GPR158: variants seen among roughly 807,000 people sequenced by gnomAD.
GPR158 encodes metabotropic glycine receptor.
A neutral mutation model predicts 78.2 loss-of-function variants in GPR158; 30 were observed. The observed-to-expected ratio is 0.38, with a 90% CI of 0.29 to 0.52. The LOEUF is 0.52. GPR158 is among the 20% of genes least tolerant of loss of function. GPR158 has a pLI of 0.83. For missense variants in GPR158, 1,463 were observed against 1,523.5 expected (o/e 0.96, Z 0.66); for synonymous variants, 581 against 591.1 (o/e 0.98, Z 0.25).
intron 3 of GPR158, among the ~76,000 whole-genome samples, chr10:25,398,922 T>A (rs913137574): frequency 5.9e-5 from 9 of 152,212 alleles, no homozygotes; most frequent in Non-Finnish European, 8.8e-5. Context: ...AGCTGCAGAC[T>A]GGTGCCAGTT....
At chr10:25,237,406 TTAAAA>T (rs2130702031) in intron 2 of GPR158, among the ~76,000 whole-genome samples, 1 of 152,350 alleles carries the variant, frequency 6.6e-6, no homozygotes, top group South Asian at 2.1e-4. Context: ...AGAGGTTGAA[TTAAAA>T]TGAATACTTT....
intron 2 of GPR158, chr10:25,393,749 A>C (rs760879701): frequency 9.2e-5 from 14 of 152,118 alleles, no homozygotes; most frequent in Non-Finnish European, 1.8e-4. Context: ...AGTAGTGAGG[A>C]AGGAAAAAGA....
At chr10:25,401,124 G>C (rs1191475689) in intron 3 of GPR158, among the ~76,000 whole-genome samples, 1 of 152,048 alleles carries the variant, frequency 6.6e-6, no homozygotes, top group Non-Finnish European at 1.5e-5. Flanking sequence ...TCATGGCTGG[G>C]GAGTCGGGAC....
intron 2 of GPR158, among the ~76,000 whole-genome samples, chr10:25,248,922 T>C (rs28782476): frequency 5.1e-4 from 77 of 151,390 alleles, no homozygotes; most frequent in African/African-American, 1.8e-3. Flanking sequence ...GCCATTTTCA[T>C]GATATTGATT....
chr10:25,399,929 C>T (rs1338021131), intron 3 of GPR158, among the ~76,000 whole-genome samples: 1 of 152,068 alleles, frequency 6.6e-6, no homozygotes, highest in Admixed American at 6.6e-5. Flanking sequence ...AGCCCTTGAA[C>T]CAAAGGTAAG....
intron 2 of GPR158, among the ~76,000 whole-genome samples, chr10:25,391,450 G>A (rs1018278527): frequency 1.3e-5 from 2 of 152,130 alleles, no homozygotes; most frequent in East Asian, 3.9e-4. Context: ...ACCCCTTCTT[G>A]CATCAGCATG....
intron 2 of GPR158, among the ~76,000 whole-genome samples, chr10:25,326,903 A>G (rs150263256): frequency 5.3e-5 from 8 of 152,306 alleles, no homozygotes; most frequent in East Asian, 3.9e-4. Context: ...TCACTTTATG[A>G]TGGTGCAAAA....
At chr10:25,509,058 TA>T (rs1478939288) in intron 5 of GPR158, among the ~76,000 whole-genome samples, 1 of 152,194 alleles carries the variant, frequency 6.6e-6, no homozygotes, top group Non-Finnish European at 1.5e-5. Flanking sequence ...TTGGCCTAGA[TA>T]ATTCTTTGTT....
At chr10:25,532,645 C>T (rs1836440930) in intron 5 of GPR158, among the ~76,000 whole-genome samples, 1 of 151,758 alleles carries the variant, frequency 6.6e-6, no homozygotes, top group Admixed American at 6.6e-5. Flanking sequence ...CCCTCCATTC[C>T]CCATTTTAAG....
chr10:25,396,578 C>T (rs1251174211), intron 3 of GPR158, among the ~76,000 whole-genome samples: 1 of 151,882 alleles, frequency 6.6e-6, no homozygotes, highest in Non-Finnish European at 1.5e-5. Flanking sequence ...GTGGGAGGAT[C>T]GCTTGAGCTC....
chr10:25,360,987 A>C (rs1247449877), intron 2 of GPR158, among the ~76,000 whole-genome samples: 2 of 151,924 alleles, frequency 1.3e-5, no homozygotes, highest in South Asian at 4.1e-4. Context: ...CATCCCTTGT[A>C]AGTGCGTTAA....
At chr10:25,439,929 G>A (rs1175831915) in intron 4 of GPR158, among the ~76,000 whole-genome samples, 3 of 152,150 alleles carry the variant, frequency 2.0e-5, no homozygotes, top group Non-Finnish European at 4.4e-5. Context: ...GCGAGGAGCT[G>A]CACGTTTTCT....
chr10:25,574,659 G>C (rs2130733960), intron 7 of GPR158, among the ~76,000 whole-genome samples: 1 of 152,212 alleles, frequency 6.6e-6, no homozygotes, highest in African/African-American at 2.4e-5. Flanking sequence ...GGCCGAGGTG[G>C]GTGAATCACA....
At chr10:25,270,969 C>A (rs537961249) in intron 2 of GPR158, among the ~76,000 whole-genome samples, 1 of 152,210 alleles carries the variant, frequency 6.6e-6, no homozygotes, top group African/African-American at 2.4e-5. Flanking sequence ...GTCCTGCATA[C>A]GCTGGCCTGG....
intron 5 of GPR158, among the ~76,000 whole-genome samples, chr10:25,535,457 C>T (rs1163336812): frequency 5.9e-5 from 9 of 152,174 alleles, no homozygotes; most frequent in Non-Finnish European, 1.3e-4. Flanking sequence ...TTCCTCTAGC[C>T]CTCAGGGAGG....
At chr10:25,269,630 T>C (rs529786617) in intron 2 of GPR158, among the ~76,000 whole-genome samples, 70 of 152,332 alleles carry the variant, frequency 4.6e-4, no homozygotes, top group African/African-American at 1.6e-3. Flanking sequence ...CTAACATTAT[T>C]GAACACAGTA....
intron 4 of GPR158, among the ~76,000 whole-genome samples, chr10:25,458,180 T>C (rs2480350): frequency 0.74 from 112,371 of 152,042 alleles, 42,001 homozygotes; most frequent in East Asian, 0.99. Flanking sequence ...TTATGCTGTA[T>C]GAAAAAATGG....
At chr10:25,405,505 T>C (rs1469593567) in intron 3 of GPR158, among the ~76,000 whole-genome samples, 1 of 107,402 alleles carries the variant, frequency 9.3e-6, no homozygotes, top group African/African-American at 4.6e-5. Context: ...TTCCTTTTTT[T>C]TTTTTTTTTT....
chr10:25,356,480 C>T (rs1396378548), intron 2 of GPR158, among the ~76,000 whole-genome samples: 1 of 151,986 alleles, frequency 6.6e-6, no homozygotes, highest in African/African-American at 2.4e-5. Context: ...CTTGTAGCTC[C>T]CATAATTTCC....
Sources: allele counts gnomAD v4.1 joint callset (sites outside exome capture counted in the v4.1 genomes callset), GRCh38; gene constraint gnomAD v4.1.1; transcripts MANE v1.5; gene names NCBI Gene and HGNC (gene_info 2026-07-23, HGNC 2026-07-21).